RALGPS1: variants seen among roughly 807,000 people sequenced by gnomAD.
The protein encoded by RALGPS1 is Ral GEF with PH domain and SH3 binding motif 1, also known as ras-specific guanine nucleotide-releasing factor RalGPS1.
RALGPS1 carries 19 observed loss-of-function variants against 78.8 expected under a neutral mutation model. The ratio of observed to expected loss-of-function variants is 0.24; its 90% CI spans 0.17 to 0.35. RALGPS1 has a LOEUF of 0.35. Among genes scored for constraint, RALGPS1 ranks in the 10% least tolerant of loss-of-function variants. The pLI is 1.00. For synonymous variants in RALGPS1, 228 were observed against 256.3 expected (o/e 0.89, Z 1.06); for missense variants, 454 against 688.3 (o/e 0.66, Z 3.81).
intron 8 of RALGPS1, among the ~76,000 whole-genome samples, chr9:127,148,421 C>T (rs1237048301): frequency 6.6e-6 from 1 of 152,230 alleles, no homozygotes; most frequent in Non-Finnish European, 1.5e-5. Context: ...ACTGTTGTAT[C>T]CTGTGAGCCT....
intron 7 of RALGPS1, among the ~76,000 whole-genome samples, chr9:127,060,408 A>G (rs1248205424): frequency 6.6e-6 from 1 of 152,230 alleles, no homozygotes; most frequent in Admixed American, 6.5e-5. Flanking sequence ...ACCTGGGTTG[A>G]GCCCTGGGCT....
intron 1 of RALGPS1, among the ~76,000 whole-genome samples, chr9:126,925,346 C>T (rs1003224212): frequency 1.3e-5 from 2 of 150,890 alleles, no homozygotes; most frequent in Admixed American, 6.6e-5. Flanking sequence ...CAGGAGTTCA[C>T]GACCAGCTTG....
chr9:127,108,881 C>A, intron 8 of RALGPS1: 1 of 848,684 alleles, frequency 1.2e-6, no homozygotes, highest in Non-Finnish European at 1.8e-6. Context: ...CAGAGCTTTC[C>A]AAAAACTCTG....
chr9:126,950,658 T>G (rs2037725658), intron 1 of RALGPS1, among the ~76,000 whole-genome samples: 1 of 151,452 alleles, frequency 6.6e-6, no homozygotes, highest in African/African-American at 2.4e-5. Context: ...TGGGACACAT[T>G]CAAAGCAGTG....
chr9:127,069,585 G>A, intron 8 of RALGPS1: 2 of 447,952 alleles, frequency 4.5e-6, no homozygotes, highest in South Asian at 2.5e-5. Context: ...AAAGACCTGT[G>A]GGCCCCAGGG....
Position 127,006,907 on chromosome 9 carries a change from TA to T in RALGPS1, c.217-27523del, listed in dbSNP as rs78240094. Among the ~76,000 whole-genome samples the T allele has an allele frequency of 2.4e-4, 31 of 131,296 alleles. No individual in the cohort carries two copies. The East Asian group carries it at 6.4e-3, about 27-fold the overall frequency. The allele number at this position is 131,296 out of a possible 152,430, so 86.1% of individuals were successfully genotyped here. The stretch of plus-strand genomic sequence containing the variant: ...CTTTTGATTCTTTTTAGGGTGTCGG[TA>T]TTAACTTTTGTGCATGAAAGGGAGA... On this transcript the variant is annotated intron_variant, in intron 4 of 18. Coordinates refer to ENST00000259351, the MANE Select transcript of RALGPS1 (RefSeq NM_014636.3).
chr9:127,166,761 A>T (rs1211111859), intron 9 of RALGPS1, among the ~76,000 whole-genome samples: 2 of 152,134 alleles, frequency 1.3e-5, no homozygotes, highest in African/African-American at 2.4e-5. Context: ...AAGGGAAATG[A>T]TGTGGTAAGC....
intron 7 of RALGPS1, among the ~76,000 whole-genome samples, chr9:127,061,125 C>T (rs1362102127): frequency 6.6e-6 from 1 of 152,166 alleles, no homozygotes; most frequent in Middle Eastern, 3.2e-3. Context: ...TTGCAGAGTG[C>T]TGAGGACATA....
intron 1 of RALGPS1, among the ~76,000 whole-genome samples, chr9:126,944,939 G>A (rs751942481): frequency 2.6e-4 from 40 of 152,120 alleles, no homozygotes; most frequent in Admixed American, 6.5e-5. Flanking sequence ...GTCTAGTTTT[G>A]GTGATTCTAT....
At chr9:126,917,530 C>G (rs2034297111) in intron 1 of RALGPS1, among the ~76,000 whole-genome samples, 1 of 152,208 alleles carries the variant, frequency 6.6e-6, no homozygotes, top group African/African-American at 2.4e-5. Flanking sequence ...AAACTGCAGG[C>G]TGCCACCTCC....
chr9:127,074,007 G>A (rs924465846), intron 8 of RALGPS1, among the ~76,000 whole-genome samples: 13 of 152,028 alleles, frequency 8.6e-5, no homozygotes, highest in African/African-American at 2.9e-4. Flanking sequence ...TCAGCCTTCC[G>A]AGTAGCTGGG....
At chr9:127,136,503 C>CCCT (rs1214343287) in intron 8 of RALGPS1, among the ~76,000 whole-genome samples, 4 of 152,218 alleles carry the variant, frequency 2.6e-5, no homozygotes, top group Non-Finnish European at 5.9e-5. Flanking sequence ...CATGCCAGCT[C>CCCT]CCTGCATGGG....
chr9:126,984,001 T>C (rs991212945), intron 4 of RALGPS1, among the ~76,000 whole-genome samples: 2 of 152,224 alleles, frequency 1.3e-5, no homozygotes, highest in African/African-American at 4.8e-5. Flanking sequence ...TCCTTCATTG[T>C]AAAGTTCCCC....
chr9:127,059,323 T>A (rs1050310504), intron 7 of RALGPS1, among the ~76,000 whole-genome samples: 1 of 152,082 alleles, frequency 6.6e-6, no homozygotes, highest in African/African-American at 2.4e-5. Context: ...AGGAGATAGA[T>A]GCAGAGGAAA....
chr9:127,069,419 T>G (rs2049995989), intron 8 of RALGPS1, 63 bp downstream of exon 8: 1 of 1,582,120 alleles, frequency 6.3e-7, no homozygotes, highest in Non-Finnish European at 8.6e-7. Context: ...TAAGATGTTT[T>G]TACAGTTTCT....
intron 5 of RALGPS1, among the ~76,000 whole-genome samples, chr9:127,037,997 G>A (rs1367336748): frequency 6.6e-6 from 1 of 152,214 alleles, no homozygotes; most frequent in East Asian, 1.9e-4. Flanking sequence ...AGCTATGGAT[G>A]AGGGCCAGAA....
At chr9:127,085,892 C>T (rs1483861301) in intron 8 of RALGPS1, among the ~76,000 whole-genome samples, 1 of 152,204 alleles carries the variant, frequency 6.6e-6, no homozygotes, top group Non-Finnish European at 1.5e-5. Context: ...CCTCAAATAG[C>T]ATTCAGATTC....
rs1243856679 is a variant in RALGPS1 at position 127,053,343 on chromosome 9, C to T, written c.483+404C>T. Among the ~76,000 whole-genome samples the T allele has an allele frequency of 5.9e-5, 9 of 152,276 alleles. No homozygotes were observed. In the South Asian group the frequency reaches 1.5e-3, roughly 25 times the overall value. On this transcript the variant is annotated intron_variant, in intron 7 of 18. Transcript: ENST00000259351. ...TCACTAGCCATACCGCTAAGTTTCT[C>T]TGGAGAAACCTGTGACCCCCGTGTA...
intron 4 of RALGPS1, chr9:127,017,038 G>C (rs1308140151): frequency 6.6e-6 from 1 of 152,098 alleles, no homozygotes; most frequent in Admixed American, 6.6e-5. Flanking sequence ...AGATTTCAAA[G>C]ACTTACTACA....
Sources: gnomAD v4.1 joint callset for allele counts (sites outside exome capture counted in the v4.1 genomes callset) on GRCh38, gnomAD v4.1.1 for gene constraint, MANE v1.5 for transcripts, NCBI Gene and HGNC (gene_info 2026-07-23, HGNC 2026-07-21) for gene names.